The following FHIP1A variants were observed in gnomAD, a reference collection of about 807,000 sequenced individuals.
FHIP1A encodes the protein FHF complex subunit HOOK-interacting protein 1A.
A neutral mutation model predicts 88.6 loss-of-function variants in FHIP1A; 61 were observed. The ratio of observed to expected loss-of-function variants is 0.69; its 90% CI spans 0.56 to 0.85. The LOEUF is 0.85. Among genes scored for constraint, FHIP1A ranks in the 40% least tolerant of loss-of-function variants. The probability of loss-of-function intolerance (pLI) is 0.00; values close to 1 mark genes in which losing one functional copy is unlikely to be tolerated. For missense variants in FHIP1A, 1,154 were observed against 1,273.5 expected (o/e 0.91, Z 1.43); for synonymous variants, 478 against 496.0 (o/e 0.96, Z 0.48).
rs377371187 is a variant in FHIP1A, at chr4:151,650,393, G to A, written c.2352G>A (p.Lys784=). ...CACCTGATCCCTTGCTTCTCACTAAGGAGGAAGAAGGGAAGGAAGAGAGTA... is the reference window on the plus strand; with the variant it reads ...CACCTGATCCCTTGCTTCTCACTAAAGAGGAAGAAGGGAAGGAAGAGAGTA... ...YPTPDPLLLT[K]EEEGKEESKG... The change falls in exon 11 of 14, where the codon AAG becomes AAA. Residue 784 remains lysine (K), a synonymous_variant. Coordinates refer to ENST00000435205, the MANE Select transcript of FHIP1A (RefSeq NM_001109977.3). 3.2e-6 allele frequency: 5 copies of A among 1,551,584 alleles called. No homozygotes were observed. The highest frequency in any genetic ancestry group is 3.5e-6 in the Non-Finnish European group (4 of 1,146,980).
chr4:151,616,058 A>C (rs1376229330), intron 7 of FHIP1A, among the ~76,000 whole-genome samples: 3 of 152,184 alleles, frequency 2.0e-5, no homozygotes, highest in African/African-American at 7.2e-5. Context: ...GTCATTTGCC[A>C]TCAGTTGGCA....
At chr4:151,478,558 A>G (rs1729788604) in intron 2 of FHIP1A, among the ~76,000 whole-genome samples, 1 of 152,130 alleles carries the variant, frequency 6.6e-6, no homozygotes, top group African/African-American at 2.4e-5. Flanking sequence ...AATGCCGTAT[A>G]TACTTCCTGA....
chr4:151,567,458 G>A (rs552177566), intron 4 of FHIP1A, among the ~76,000 whole-genome samples: 49 of 151,876 alleles, frequency 3.2e-4, no homozygotes, highest in African/African-American at 1.1e-3. Flanking sequence ...CCGATTTTTT[G>A]TGCATTCTCT....
At chr4:151,410,230 C>G (rs1383817372) in intron 1 of FHIP1A, among the ~76,000 whole-genome samples, 1 of 152,228 alleles carries the variant, frequency 6.6e-6, no homozygotes, top group African/African-American at 2.4e-5. Context: ...CCCACCCATT[C>G]ACAGCAGATC....
In FHIP1A at chr4:151,664,142, C is replaced by G. The variant is rs1339819199; in HGVS notation, c.*1388C>G. Among the ~76,000 whole-genome samples, 4 of 152,182 alleles carry G rather than the reference C, an allele frequency of 2.6e-5. No homozygotes were observed. The highest frequency in any genetic ancestry group is 5.9e-5 in the Non-Finnish European group (4 of 68,030). On this transcript the variant is annotated 3_prime_UTR_variant, in exon 14 of 14. Transcript: ENST00000435205. ...AAGCAAGTAACGAGCTTGAGCCTGC[C>G]TGTTTGGAAGGAAATTGGAAGGTTT...
In FHIP1A at chr4:151,664,250, T is replaced by G. The variant is rs2126937038; in HGVS notation, c.*1496T>G. ...GGTGGTTGTGCCTCAGGAGCACTGGTTTGGTCTTAATCAGGCCTTTCATGC... is the reference window on the plus strand; with the variant it reads ...GGTGGTTGTGCCTCAGGAGCACTGGGTTGGTCTTAATCAGGCCTTTCATGC... On this transcript the variant is annotated 3_prime_UTR_variant, in exon 14 of 14. Coordinates refer to ENST00000435205, the MANE Select transcript of FHIP1A (RefSeq NM_001109977.3). Among the ~76,000 whole-genome samples the G allele has an allele frequency of 6.6e-6, 1 of 152,248 alleles. No homozygotes were observed. Among genetic ancestry groups the G allele is most frequent in the East Asian group, 1.9e-4 (1 of 5,180 alleles).
chr4:151,614,020 G>A (rs1735420525), intron 7 of FHIP1A, among the ~76,000 whole-genome samples: 1 of 151,970 alleles, frequency 6.6e-6, no homozygotes. Flanking sequence ...AAACTTAGCT[G>A]GGTGTGGTGG....
chr4:151,567,029 G>A (rs1475906547), intron 4 of FHIP1A, among the ~76,000 whole-genome samples: 1 of 152,130 alleles, frequency 6.6e-6, no homozygotes, highest in Non-Finnish European at 1.5e-5. Flanking sequence ...AAACGCCTGA[G>A]TATACCTGAA....
intron 7 of FHIP1A, among the ~76,000 whole-genome samples, chr4:151,616,204 A>C: frequency 6.6e-6 from 1 of 152,174 alleles, no homozygotes; most frequent in East Asian, 1.9e-4. Flanking sequence ...AGTTTAATTG[A>C]GGTATAAAGG....
intron 1 of FHIP1A, among the ~76,000 whole-genome samples, chr4:151,428,229 T>C (rs569867515): frequency 6.6e-6 from 1 of 152,286 alleles, no homozygotes; most frequent in East Asian, 1.9e-4. Context: ...TTTTTCTCTT[T>C]GCTGCTTTTT....
chr4:151,456,615 A>G (rs1561503385), intron 2 of FHIP1A, among the ~76,000 whole-genome samples: 1 of 152,226 alleles, frequency 6.6e-6, no homozygotes, highest in Admixed American at 6.5e-5. Context: ...TTAAAATCTC[A>G]TAATGAAAGT....
At chr4:151,429,211 C>T (rs1054605704) in intron 1 of FHIP1A, among the ~76,000 whole-genome samples, 6 of 152,224 alleles carry the variant, frequency 3.9e-5, no homozygotes, top group Admixed American at 1.3e-4. Flanking sequence ...TGGCTGTACA[C>T]TTCATGAAGG....
intron 2 of FHIP1A, among the ~76,000 whole-genome samples, chr4:151,473,103 T>A (rs1016506816): frequency 6.6e-6 from 1 of 152,182 alleles, no homozygotes; most frequent in African/African-American, 2.4e-5. Context: ...GTTGTTGCTA[T>A]TATCTCTTGG....
At position 151,664,847 on chromosome 4, in the gene FHIP1A, T is replaced by C. The variant is rs569774601; in HGVS notation, c.*2093T>C. 3.3e-5 allele frequency among the ~76,000 whole-genome samples: 5 copies of C among 152,374 alleles called. No homozygotes were observed. The South Asian group carries it at 1.0e-3, about 32-fold the overall frequency. ...CTTTCTCCATTATCTGGTGGTGGTG[T>C]TGATTCTTCTTGAATCCATATTTCT... On this transcript the variant is annotated 3_prime_UTR_variant, in exon 14 of 14. Transcript: ENST00000435205.
At chr4:151,473,492 A>G (rs1156357171) in intron 2 of FHIP1A, among the ~76,000 whole-genome samples, 4 of 152,056 alleles carry the variant, frequency 2.6e-5, no homozygotes, top group Admixed American at 2.6e-4. Context: ...TGGCCCATGA[A>G]ATGTAAAAAT....
intron 3 of FHIP1A, among the ~76,000 whole-genome samples, chr4:151,542,723 C>T (rs1440130645): frequency 6.6e-6 from 1 of 152,188 alleles, no homozygotes; most frequent in Non-Finnish European, 1.5e-5. Context: ...TCCTGCTCCT[C>T]AAAAGTCAGT....
intron 3 of FHIP1A, among the ~76,000 whole-genome samples, chr4:151,501,941 A>G (rs140758718): frequency 6.6e-6 from 1 of 152,020 alleles, no homozygotes; most frequent in South Asian, 2.1e-4. Flanking sequence ...GAAACTATCT[A>G]TGAGAAAGTC....
intron 2 of FHIP1A, among the ~76,000 whole-genome samples, chr4:151,460,036 T>A (rs935849367): frequency 2.0e-5 from 3 of 152,194 alleles, no homozygotes; most frequent in Non-Finnish European, 4.4e-5. Flanking sequence ...AGAGTTTAAT[T>A]TTCTCCCAAT....
rs536945745 is a variant in FHIP1A at position 151,507,491 on chromosome 4, T to G, written c.-123+24843T>G. 1.2e-3 allele frequency among the ~76,000 whole-genome samples: 188 copies of G among 152,342 alleles called. 5 individuals carry two copies. Among genetic ancestry groups the G allele is most frequent in the Admixed American group, 0.012 (188 of 15,300 alleles). ...TATTATTTTTAACCTAGATTATTTA[T>G]TTTTTCCCTCTTTCCATTTAATATG... is the stretch of plus-strand genomic sequence containing the variant. On this transcript the variant is annotated intron_variant, in intron 3 of 13. Transcript: ENST00000435205.
Sources: gnomAD v4.1 joint callset for allele counts (sites outside exome capture counted in the v4.1 genomes callset) on GRCh38, gnomAD v4.1.1 for gene constraint, MANE v1.5 for transcripts, NCBI Gene and HGNC (gene_info 2026-07-23, HGNC 2026-07-21) for gene names.